Variants in KHDRBS2 observed in about 807,000 individuals in gnomAD.
KHDRBS2 encodes the protein KH RNA binding domain containing, signal transduction associated 2, also known as KH domain-containing, RNA-binding, signal transduction-associated protein 2.
A neutral mutation model predicts 44.3 loss-of-function variants in KHDRBS2; 26 were observed. The observed-to-expected ratio is 0.59, with a 90% CI of 0.43 to 0.81. KHDRBS2 has a LOEUF of 0.81. Ranked by LOEUF, KHDRBS2 falls within the 40% of genes least tolerant of loss-of-function variation. The pLI is 0.00. For synonymous variants in KHDRBS2, 194 were observed against 151.1 expected (o/e 1.28, Z -2.08); for missense variants, 476 against 433.1 (o/e 1.10, Z -0.88).
intron 3 of KHDRBS2, among the ~76,000 whole-genome samples, chr6:62,028,471 T>C (rs1783770775): frequency 6.6e-6 from 1 of 151,984 alleles, no homozygotes; most frequent in Non-Finnish European, 1.5e-5. Context: ...CTGGTTAACC[T>C]GAAAATGAGC....
At chr6:61,815,257 G>A (rs528077699) in intron 6 of KHDRBS2, among the ~76,000 whole-genome samples, 15 of 152,190 alleles carry the variant, frequency 9.9e-5, no homozygotes, top group African/African-American at 3.4e-4. Context: ...CATGTCCCAG[G>A]AGGAACAGAG....
chr6:61,901,687 T>G (rs1306758151), intron 4 of KHDRBS2, among the ~76,000 whole-genome samples: 3 of 152,176 alleles, frequency 2.0e-5, no homozygotes, highest in African/African-American at 7.2e-5. Context: ...GAACTTGGAA[T>G]GTGCTAAAGT....
At chr6:62,098,136 A>T (rs1463398925) in intron 2 of KHDRBS2, among the ~76,000 whole-genome samples, 1 of 151,712 alleles carries the variant, frequency 6.6e-6, no homozygotes, top group Non-Finnish European at 1.5e-5. Context: ...TTTGTCCCTT[A>T]TCTTCATTCT....
chr6:62,239,736 A>G lies in KHDRBS2; in HGVS notation c.91+46122T>C, dbSNP rs567030648. 3.3e-5 allele frequency among the ~76,000 whole-genome samples: 5 copies of G among 152,156 alleles called. No homozygotes were observed. The East Asian group carries it at 7.8e-4, about 24-fold the overall frequency. ...AGCCTTGCTCTGTCACCTAGGCTGGAGTGCAGTGGCGGGATCTCAGATGAC... is the reference window on the plus strand; with the variant it reads ...AGCCTTGCTCTGTCACCTAGGCTGGGGTGCAGTGGCGGGATCTCAGATGAC... On this transcript the variant is annotated intron_variant, in intron 1 of 8. Transcript: ENST00000281156.
At chr6:62,143,651 C>T (rs1357955764) in intron 2 of KHDRBS2, among the ~76,000 whole-genome samples, 1 of 151,558 alleles carries the variant, frequency 6.6e-6, no homozygotes, top group Non-Finnish European at 1.5e-5. Flanking sequence ...TGCAACACTC[C>T]AATCGTAATG....
At chr6:62,213,425 G>A (rs1467812439) in intron 1 of KHDRBS2, among the ~76,000 whole-genome samples, 1 of 152,012 alleles carries the variant, frequency 6.6e-6, no homozygotes, top group African/African-American at 2.4e-5. Flanking sequence ...GGATCATGAA[G>A]GTTAATGAAA....
the KHDRBS2 span, among the ~76,000 whole-genome samples, chr6:61,568,234 G>T: frequency 4.6e-5 from 7 of 152,026 alleles, no homozygotes; most frequent in Non-Finnish European, 1.0e-4. Flanking sequence ...GTTGTTTTGG[G>T]TACTATAGCC....
chr6:62,021,493 T>G (rs915567901), intron 3 of KHDRBS2, among the ~76,000 whole-genome samples: 2 of 151,900 alleles, frequency 1.3e-5, no homozygotes, highest in Non-Finnish European at 2.9e-5. Context: ...ATTCTGACAG[T>G]CCTCTTTTTA....
intron 6 of KHDRBS2, among the ~76,000 whole-genome samples, chr6:61,788,933 A>G (rs1283368608): frequency 1.3e-5 from 2 of 151,434 alleles, no homozygotes; most frequent in Admixed American, 6.6e-5. Context: ...AATTAGAGAT[A>G]CAATAGGCTG....
chr6:62,210,450 C>T (rs940183934), intron 1 of KHDRBS2, among the ~76,000 whole-genome samples: 10 of 151,738 alleles, frequency 6.6e-5, no homozygotes, highest in Non-Finnish European at 2.9e-5. Context: ...CCTGCCTCGG[C>T]CCCCAGAGTC....
At chr6:61,593,204 G>T in the KHDRBS2 span, among the ~76,000 whole-genome samples, 1 of 152,132 alleles carries the variant, frequency 6.6e-6, no homozygotes, top group African/African-American at 2.4e-5. Context: ...AGGCGTGAAG[G>T]CTGCTTATAA....
At chr6:61,754,953 G>T (rs1778269532) in intron 6 of KHDRBS2, among the ~76,000 whole-genome samples, 1 of 152,008 alleles carries the variant, frequency 6.6e-6, no homozygotes, top group Non-Finnish European at 1.5e-5. Context: ...TTGCAATTTT[G>T]ATGTAAATAC....
intron 2 of KHDRBS2, among the ~76,000 whole-genome samples, chr6:62,068,903 G>T (rs1794361819): frequency 6.6e-6 from 1 of 151,492 alleles, no homozygotes; most frequent in Admixed American, 6.6e-5. Flanking sequence ...TTGTAGCTTT[G>T]TAGTATATTT....
intron 1 of KHDRBS2, among the ~76,000 whole-genome samples, chr6:62,192,166 T>C (rs1283679386): frequency 5.3e-5 from 8 of 152,090 alleles, no homozygotes; most frequent in Non-Finnish European, 8.8e-5. Context: ...AGATCTGATA[T>C]TGATATAAAA....
chr6:61,838,948 C>G (rs1187113076), intron 6 of KHDRBS2, among the ~76,000 whole-genome samples: 1 of 152,064 alleles, frequency 6.6e-6, no homozygotes, highest in Non-Finnish European at 1.5e-5. Flanking sequence ...TAATCCATCC[C>G]TGTCTACCTC....
chr6:62,061,225 G>C (rs560032303), intron 2 of KHDRBS2, among the ~76,000 whole-genome samples: 4 of 151,280 alleles, frequency 2.6e-5, no homozygotes, highest in African/African-American at 9.7e-5. Context: ...TATGATGTTA[G>C]CTGGTGATTT....
intron 2 of KHDRBS2, among the ~76,000 whole-genome samples, chr6:62,159,482 G>T (rs1817157633): frequency 6.6e-6 from 1 of 152,052 alleles, no homozygotes; most frequent in Non-Finnish European, 1.5e-5. Flanking sequence ...GGATTATCAG[G>T]TGATCCTTGT....
At chr6:61,658,175 T>C in the KHDRBS2 span, among the ~76,000 whole-genome samples, 1 of 151,866 alleles carries the variant, frequency 6.6e-6, no homozygotes, top group Non-Finnish European at 1.5e-5. Context: ...GATTTCCTTA[T>C]TATTGATATT....
chr6:62,195,402 T>G (rs1825473552), intron 1 of KHDRBS2, among the ~76,000 whole-genome samples: 1 of 152,136 alleles, frequency 6.6e-6, no homozygotes, highest in African/African-American at 2.4e-5. Context: ...CACAACATAT[T>G]TTTGAAAGAA....
Sources: gnomAD v4.1 joint callset for allele counts (sites outside exome capture counted in the v4.1 genomes callset) on GRCh38, gnomAD v4.1.1 for gene constraint, MANE v1.5 for transcripts, NCBI Gene and HGNC (gene_info 2026-07-23, HGNC 2026-07-21) for gene names.